SBF2: variants seen among roughly 807,000 people sequenced by gnomAD.
The protein encoded by SBF2 is SET binding factor 2, also known as myotubularin-related protein 13.
A neutral mutation model predicts 225.2 loss-of-function variants in SBF2; 112 were observed. The ratio of observed to expected loss-of-function variants is 0.50; its 90% CI spans 0.43 to 0.58. SBF2 has a LOEUF of 0.58. Ranked by LOEUF, SBF2 falls within the 20% of genes least tolerant of loss-of-function variation. The probability of loss-of-function intolerance (pLI) is 0.00; values close to 1 mark genes in which losing one functional copy is unlikely to be tolerated. For missense variants in SBF2, 1,996 were observed against 2,206.2 expected, an observed-to-expected ratio of 0.90 and a Z score of 1.91; for synonymous variants, 763 against 773.3, an observed-to-expected ratio of 0.99 and a Z score of 0.22.
intron 2 of SBF2, among the ~76,000 whole-genome samples, chr11:10,181,903 CAT>C (rs1460842273): frequency 9.9e-5 from 15 of 152,148 alleles, no homozygotes; most frequent in African/African-American, 2.7e-4. Context: ...AATAAATACA[CAT>C]ATGTGTTTAC....
rs1441299524 is a variant in SBF2 at position 9,808,197 on chromosome 11, G to A, written c.4258-12C>T. ...ACCAGGGATGTCACCTAGGGCATAA[G>A]CAGGATGGATTGTCATTAATTTTAG... On this transcript the variant is annotated splice_polypyrimidine_tract_variant and intron_variant, in intron 31 of 39. Transcript: ENST00000256190. 1.2e-6 allele frequency: 2 copies of A among 1,611,702 alleles called. No individual in the cohort carries two copies. Among genetic ancestry groups the A allele is most frequent in the African/African-American group, 1.3e-5 (1 of 75,014 alleles).
In SBF2 at chr11:9,833,255, T is replaced by C. The variant is rs1423348871; in HGVS notation, c.3456-835A>G. ...GATTAGCTTATAAAGTTACAGGATA[T>C]GATGCTGGGAAAATAACATGTAAGA... On this transcript the variant is annotated intron_variant, in intron 26 of 39. Coordinates refer to ENST00000256190, the MANE Select transcript of SBF2 (RefSeq NM_030962.4). Among the ~76,000 whole-genome samples, 3 of 152,184 alleles carry C rather than the reference T, an allele frequency of 2.0e-5. No homozygotes were observed. The East Asian group carries it at 5.8e-4, about 29-fold the overall frequency.
intron 32 of SBF2, among the ~76,000 whole-genome samples, chr11:9,798,751 C>T (rs1013497299): frequency 1.6e-4 from 24 of 152,096 alleles, no homozygotes; most frequent in African/African-American, 5.6e-4. Flanking sequence ...TTGAGACCAT[C>T]CTGGTTAACA....
intron 2 of SBF2, among the ~76,000 whole-genome samples, chr11:10,123,512 T>A (rs1410709442): frequency 1.3e-5 from 2 of 152,146 alleles, no homozygotes; most frequent in Non-Finnish European, 2.9e-5. Flanking sequence ...TTCATATTTT[T>A]AAAATTCTTT....
chr11:10,187,323 T>C (rs1242058809), intron 2 of SBF2, among the ~76,000 whole-genome samples: 4 of 151,770 alleles, frequency 2.6e-5, no homozygotes, highest in Non-Finnish European at 4.4e-5. Flanking sequence ...TCTCTCTCTC[T>C]CCCTGCGTCC....
intron 16 of SBF2, chr11:9,959,368 A>G (rs1321716308): frequency 3.8e-6 from 3 of 793,100 alleles, no homozygotes; most frequent in Non-Finnish European, 6.9e-6. Flanking sequence ...AAGGCCAACC[A>G]AAGGGGTGCC....
upstream of SBF2, among the ~76,000 whole-genome samples, chr11:10,298,055 A>G (rs1296999881): frequency 1.3e-5 from 2 of 152,246 alleles, no homozygotes; most frequent in Non-Finnish European, 1.5e-5. Flanking sequence ...ATGTAACACT[A>G]TCATGATGTG....
At chr11:10,066,731 C>A (rs1950637867) in intron 2 of SBF2, among the ~76,000 whole-genome samples, 2 of 152,128 alleles carry the variant, frequency 1.3e-5, no homozygotes, top group African/African-American at 4.8e-5. Flanking sequence ...CGTCTTCTAT[C>A]ACCACTTGTA....
intron 12 of SBF2, 72 bp from the exon 13 acceptor site, chr11:9,989,667 T>C (rs1234813169): frequency 3.1e-6 from 3 of 961,092 alleles, no homozygotes; most frequent in Non-Finnish European, 4.9e-6. Context: ...GATAATTTCA[T>C]ACAATTTGCA....
At chr11:9,931,361 C>T (rs1250126652) in intron 16 of SBF2, among the ~76,000 whole-genome samples, 1 of 152,240 alleles carries the variant, frequency 6.6e-6, no homozygotes, top group African/African-American at 2.4e-5. Flanking sequence ...TAGGGATCGA[C>T]AGACACCTGA....
At chr11:9,901,460 A>G (rs1370173917) in intron 16 of SBF2, among the ~76,000 whole-genome samples, 3 of 152,300 alleles carry the variant, frequency 2.0e-5, no homozygotes, top group Admixed American at 1.3e-4. Context: ...ATTCCTGGCC[A>G]TAACAGGAAG....
At chr11:10,081,253 G>T (rs1043070365) in intron 2 of SBF2, among the ~76,000 whole-genome samples, 1 of 152,052 alleles carries the variant, frequency 6.6e-6, no homozygotes, top group Non-Finnish European at 1.5e-5. Context: ...AATAAAACCA[G>T]AAATCAATTC....
chr11:10,259,239 C>T (rs1209335173), intron 1 of SBF2, among the ~76,000 whole-genome samples: 1 of 152,066 alleles, frequency 6.6e-6, no homozygotes, highest in Admixed American at 6.6e-5. Flanking sequence ...TAATTAAGCC[C>T]ACATCTTTTA....
chr11:10,073,846 C>T (rs1185239833), intron 2 of SBF2, among the ~76,000 whole-genome samples: 1 of 152,162 alleles, frequency 6.6e-6, no homozygotes, highest in African/African-American at 2.4e-5. Context: ...TACACACTTA[C>T]ATACTACAAG....
intron 6 of SBF2, among the ~76,000 whole-genome samples, chr11:10,011,697 G>A (rs1455880572): frequency 2.0e-5 from 3 of 151,986 alleles, no homozygotes; most frequent in South Asian, 2.1e-4. Context: ...TCTGGCTCCC[G>A]TTCTTTCTGT....
At chr11:10,247,116 A>G (rs1376384544) in intron 1 of SBF2, among the ~76,000 whole-genome samples, 3 of 152,202 alleles carry the variant, frequency 2.0e-5, no homozygotes, top group Non-Finnish European at 2.9e-5. Flanking sequence ...CCAATCTTAC[A>G]TAAACTTTCA....
chr11:10,278,788 TAA>T (rs11370521), intron 1 of SBF2, among the ~76,000 whole-genome samples: 108 of 124,954 alleles, frequency 8.6e-4, no homozygotes, highest in Admixed American at 8.8e-4. Context: ...TCCATCTCAA[TAA>T]AAAAAAAAAA....
At chr11:10,196,866 A>ATATATATATATATATATATATATTTTTTT in intron 1 of SBF2, among the ~76,000 whole-genome samples, 6 of 99,302 alleles carry the variant, frequency 6.0e-5, no homozygotes, top group Non-Finnish European at 9.9e-5. Flanking sequence ...ATATATATAT[A>ATATATATATATATATATATATATTTTTTT]TTTTTTTTTT....
chr11:10,014,415 C>T (rs1241583976), intron 6 of SBF2, among the ~76,000 whole-genome samples: 1 of 147,754 alleles, frequency 6.8e-6, no homozygotes, highest in Admixed American at 7.0e-5. Context: ...ACTGAGAATG[C>T]TGGAACCTAA....
Sources: allele counts gnomAD v4.1 joint callset (sites outside exome capture counted in the v4.1 genomes callset), GRCh38; gene constraint gnomAD v4.1.1; transcripts MANE v1.5; gene names NCBI Gene and HGNC (gene_info 2026-07-23, HGNC 2026-07-21).